The following FSD2 variants were observed in gnomAD, a reference collection of about 807,000 sequenced individuals.
FSD2 encodes the protein fibronectin type III and SPRY domain-containing protein 2.
A neutral mutation model predicts 80.4 loss-of-function variants in FSD2; 71 were observed. The ratio of observed to expected loss-of-function variants is 0.88; its 90% CI spans 0.73 to 1.08. FSD2 has a LOEUF of 1.08. Ranked by LOEUF, FSD2 falls within the 50% of genes least tolerant of loss-of-function variation. The pLI, the probability that FSD2 is intolerant of heterozygous loss-of-function variation, is 0.00. For synonymous variants in FSD2, 361 were observed against 329.5 expected (o/e 1.10, Z -1.03); for missense variants, 923 against 913.8 (o/e 1.01, Z -0.13).
chr15:82,770,828 G>A (rs551128884), intron 7 of FSD2, among the ~76,000 whole-genome samples: 4 of 152,076 alleles, frequency 2.6e-5, no homozygotes, highest in Non-Finnish European at 4.4e-5. Flanking sequence ...ATTTACGTTC[G>A]GATATCATTT....
intron 6 of FSD2, among the ~76,000 whole-genome samples, chr15:82,775,429 CAG>C (rs1388236262): frequency 6.6e-6 from 1 of 151,900 alleles, no homozygotes. Flanking sequence ...AATTTGCAAA[CAG>C]AGGCAATTTC....
intron 12 of FSD2, among the ~76,000 whole-genome samples, chr15:82,760,601 G>A (rs921140796): frequency 4.6e-5 from 7 of 151,098 alleles, no homozygotes; most frequent in Admixed American, 2.6e-4. Flanking sequence ...GCTATGAGTC[G>A]TTTCTTCTAC....
At chr15:82,791,668 G>A (rs1055394651) in intron 1 of FSD2, among the ~76,000 whole-genome samples, 7 of 152,052 alleles carry the variant, frequency 4.6e-5, no homozygotes, top group Non-Finnish European at 7.4e-5. Flanking sequence ...CACTGCGCCC[G>A]GCTGTAATTT....
chr15:82,777,931 T>TA (rs1433738666), intron 6 of FSD2, among the ~76,000 whole-genome samples: 1 of 150,368 alleles, frequency 6.7e-6, no homozygotes, highest in Non-Finnish European at 1.5e-5. Context: ...GGTGTGAATG[T>TA]AAAATCATGC....
At chr15:82,788,341 CAA>C (rs34050167) in intron 1 of FSD2, among the ~76,000 whole-genome samples, 31 of 126,538 alleles carry the variant, frequency 2.4e-4, no homozygotes, top group East Asian at 7.1e-4. Flanking sequence ...ACCAAAAATA[CAA>C]AAAAAAAAAA....
chr15:82,763,125 A>G (rs2049328975), intron 11 of FSD2, among the ~76,000 whole-genome samples: 1 of 152,216 alleles, frequency 6.6e-6, no homozygotes, highest in Non-Finnish European at 1.5e-5. Flanking sequence ...CTCTGCTTCA[A>G]GCTCCAGACT....
At chr15:82,765,392 C>T in intron 10 of FSD2, 94 bp from the exon 11 acceptor site, 1 of 1,525,582 alleles carries the variant, frequency 6.6e-7, no homozygotes, top group Non-Finnish European at 8.9e-7. Flanking sequence ...GTGGGATACA[C>T]CTAAGCCTGG....
rs1383928111 is a variant in FSD2 at position 82,765,207 on chromosome 15, G to A, written c.1779C>T (p.Thr593=). The change falls in exon 11 of 13, where the codon ACC becomes ACT. Residue 593 remains threonine, a synonymous_variant. Transcript: ENST00000334574. ...GLTAVRSERR[T]PARELSPSDT... The stretch of plus-strand genomic sequence containing the variant: ...CGCTGGGTGACAGCTCCCTGGCGGG[G>A]GTTCTCCTTTCACTTCGTACAGCCG... 1.9e-6 allele frequency: 3 copies of A among 1,608,466 alleles called. No homozygotes were observed. The Admixed American group carries it at 5.1e-5, about 27-fold the overall frequency.
Position 82,778,966 on chromosome 15 carries a change from C to T in FSD2, c.990-79G>A, listed in dbSNP as rs149677429. ...TATATATATAGTGCTGAGTCACTGT[C>T]ATAAATGAAGAGGGGCTCTTTGCTG... On this transcript the variant is annotated intron_variant, in intron 5 of 12. Coordinates refer to ENST00000334574, the MANE Select transcript of FSD2 (RefSeq NM_001007122.4). 2.7e-5 allele frequency: 41 copies of T among 1,496,406 alleles called. No homozygotes were observed. The East Asian group carries it at 8.2e-4, about 30-fold the overall frequency. 92.7% of individuals were successfully genotyped at this position (1,496,406 alleles called of 1,614,324 possible). A position where few individuals can be genotyped will look rare whatever the true frequency, so the allele number is the denominator to read the frequency against.
chr15:82,761,674 T>A (rs1221528859), intron 12 of FSD2, among the ~76,000 whole-genome samples: 5 of 150,862 alleles, frequency 3.3e-5, no homozygotes, highest in East Asian at 1.9e-4. Context: ...ATTTTATTTT[T>A]TTATTTTATT....
At chr15:82,763,294 C>T (rs2049333056) in intron 11 of FSD2, among the ~76,000 whole-genome samples, 1 of 152,142 alleles carries the variant, frequency 6.6e-6, no homozygotes, top group South Asian at 2.1e-4. Flanking sequence ...CCGGTAACCC[C>T]CTGGTGGAAA....
intron 1 of FSD2, 121 bp from the exon 2 acceptor site, chr15:82,787,589 T>A: frequency 2.2e-6 from 1 of 460,208 alleles, no homozygotes; most frequent in Non-Finnish European, 3.7e-6. Flanking sequence ...TCAGTCGTGG[T>A]TTCACTTTGA....
chr15:82,785,300 A>ATTATTTATTTATTTATTTAT (rs10635621), intron 3 of FSD2, among the ~76,000 whole-genome samples: 1 of 146,924 alleles, frequency 6.8e-6, no homozygotes, highest in African/African-American at 2.5e-5. Context: ...AAGGCAATAC[A>ATTATTTATTTATTTATTTAT]TTATTTATTT....
chr15:82,763,656 A>C (rs549120145), intron 11 of FSD2, among the ~76,000 whole-genome samples: 1 of 129,994 alleles, frequency 7.7e-6, no homozygotes, highest in South Asian at 2.6e-4. Context: ...CAAGCCCTCC[A>C]TAGTCTCCTC....
intron 9 of FSD2, among the ~76,000 whole-genome samples, chr15:82,767,214 A>G (rs772925794): frequency 1.3e-5 from 2 of 152,214 alleles, no homozygotes; most frequent in Non-Finnish European, 2.9e-5. Context: ...GGAATGTAAG[A>G]TGGTAACCAA....
chr15:82,798,356 G>C (rs544035518), intron 1 of FSD2, among the ~76,000 whole-genome samples: 2 of 152,030 alleles, frequency 1.3e-5, no homozygotes, highest in Non-Finnish European at 2.9e-5. Flanking sequence ...AGATAGAAAG[G>C]AAGAAAGAAC....
chr15:82,798,599 C>CTGTTTT (rs1170602873), intron 1 of FSD2, among the ~76,000 whole-genome samples: 3 of 152,090 alleles, frequency 2.0e-5, no homozygotes, highest in African/African-American at 7.2e-5. Flanking sequence ...TGGTTTAGCA[C>CTGTTTT]TGTTTTTTCC....
chr15:82,775,352 C>A (rs113220646), intron 6 of FSD2, among the ~76,000 whole-genome samples: 38 of 151,602 alleles, frequency 2.5e-4, no homozygotes, highest in African/African-American at 9.2e-4. Flanking sequence ...GAGCTGAGAT[C>A]GCACCATTGC....
chr15:82,769,646 C>T (rs761484997), intron 8 of FSD2, 104 bp downstream of exon 8: 1 of 1,342,412 alleles, frequency 7.4e-7, no homozygotes, highest in Admixed American at 2.3e-5. Context: ...ACAGCTCTTC[C>T]TACCCTTCTG....
Sources: allele counts gnomAD v4.1 joint callset (sites outside exome capture counted in the v4.1 genomes callset), GRCh38; gene constraint gnomAD v4.1.1; transcripts MANE v1.5; gene names NCBI Gene and HGNC (gene_info 2026-07-23, HGNC 2026-07-21).